SAAL1: variants seen among roughly 807,000 people sequenced by gnomAD.
SAAL1 encodes protein SAAL1.
Under a neutral mutation model 59.8 loss-of-function variants are expected in SAAL1, and 42 were observed. The observed-to-expected ratio is 0.70, with a 90% confidence interval of 0.55 to 0.91. The LOEUF (loss-of-function observed/expected upper bound fraction) is 0.91. Ranked by LOEUF, SAAL1 falls within the 40% of genes least tolerant of loss-of-function variation. The probability of loss-of-function intolerance (pLI) is 0.00; values close to 1 mark genes in which losing one functional copy is unlikely to be tolerated. For synonymous variants in SAAL1, 191 were observed against 194.3 expected, an observed-to-expected ratio of 0.98 and a Z score of 0.14; for missense variants, 542 against 561.1, an observed-to-expected ratio of 0.97 and a Z score of 0.34.
chr11:18,083,884 T>C (rs549431609), intron 9 of SAAL1, among the ~76,000 whole-genome samples, 153 bp from the exon 10 acceptor site: 2 of 152,362 alleles, frequency 1.3e-5, no homozygotes, highest in East Asian at 3.9e-4. Context: ...CTTACATTTT[T>C]ATACTTTCAA....
At chr11:18,081,630 CCCA>C in intron 10 of SAAL1, 127 bp from the exon 11 acceptor site, 1 of 692,640 alleles carries the variant, frequency 1.4e-6, no homozygotes, top group Non-Finnish European at 2.6e-6. Flanking sequence ...CCCACCTGAA[CCCA>C]CCAACATCAA....
intron 3 of SAAL1, among the ~76,000 whole-genome samples, chr11:18,096,478 G>A (rs560791525): frequency 6.6e-6 from 1 of 152,188 alleles, no homozygotes; most frequent in African/African-American, 2.4e-5. Flanking sequence ...AGTTACTTGG[G>A]AGGCTGAGGT....
In SAAL1 at chr11:18,080,371, T is replaced by A; in HGVS notation, c.*28A>T. 1 of 1,371,840 alleles carries A rather than the reference T, an allele frequency of 7.3e-7. No homozygotes were observed. Among genetic ancestry groups the A allele is most frequent in the South Asian group, 1.3e-5 (1 of 78,956 alleles). The allele number at this position is 1,371,840 out of a possible 1,614,324, so 85.0% of individuals were successfully genotyped here. A position where few individuals can be genotyped will look rare whatever the true frequency, so the allele number is the denominator to read the frequency against. On this transcript the variant is annotated 3_prime_UTR_variant, in exon 12 of 12. Coordinates refer to ENST00000524803, the MANE Select transcript of SAAL1 (RefSeq NM_138421.3). ...CAGTGAGAAAAATAAAGTTTATTTC[T>A]TGTACAGAAGTAATTCCAATTCAGG...
Position 18,086,953 on chromosome 11 carries a change from G to C in SAAL1, c.955C>G (p.Gln319Glu). Residue 319 changes from glutamine to glutamate, a missense_variant, in exon 9 of 12, where the codon CAG becomes GAG. Physicochemically the swap from Gln to Glu is conservative, Grantham distance 29. Coordinates refer to ENST00000524803, the MANE Select transcript of SAAL1 (RefSeq NM_138421.3). ...AAAACAGAGGCTAGCACTGTTTTCT[G>C]TTCTTGAAGAATGATGGGTGGATCA... ...SDDPPIILQE[Q>E]KTVLASVFSV... 1 of 1,613,978 alleles carries C rather than the reference G, an allele frequency of 6.2e-7. No individual in the cohort carries two copies. Among genetic ancestry groups the C allele is most frequent in the Non-Finnish European group, 8.5e-7 (1 of 1,179,844 alleles).
At chr11:18,090,393 T>C in intron 5 of SAAL1, 41 bp downstream of exon 5, 7 of 1,587,588 alleles carry the variant, frequency 4.4e-6, no homozygotes, top group Non-Finnish European at 6.0e-6. Flanking sequence ...TTATCTACTC[T>C]TATGAGTAAC....
rs1324126381 is a variant in SAAL1, at chr11:18,083,727, A to T, written c.1047T>A (p.Asp349Glu). ...EQEYLKIEKV[D>E]LPLIDSLIRV... is the part of the protein sequence containing the mutation. ...GAATGAGGCTGTCAATTAGAGGAAG[A>T]TCTACTGTATAAACAAATCAAGAAG... Residue 349 changes from aspartate (D) to glutamate (E), a missense_variant, in exon 10 of 12, where the codon GAT (aspartate) becomes GAA (glutamate). Coordinates refer to ENST00000524803, the MANE Select transcript of SAAL1 (RefSeq NM_138421.3). 1 of 1,601,480 alleles carries T rather than the reference A, an allele frequency of 6.2e-7. No homozygotes were observed. The highest frequency in any genetic ancestry group is 8.5e-7 in the Non-Finnish European group (1 of 1,173,884).
At chr11:18,084,654 G>A (rs1443981470) in intron 9 of SAAL1, among the ~76,000 whole-genome samples, 4 of 152,186 alleles carry the variant, frequency 2.6e-5, no homozygotes, top group African/African-American at 9.7e-5. Flanking sequence ...CCTTCTCAAT[G>A]AGGTAACGTA....
intron 7 of SAAL1, 130 bp from the exon 8 acceptor site, chr11:18,087,355 A>G (rs1246395234): frequency 1.7e-6 from 1 of 592,046 alleles, no homozygotes; most frequent in African/African-American, 1.9e-5. Flanking sequence ...AAACAAGGAA[A>G]GGAACGAAGT....
chr11:18,094,694 A>C (rs528716805), intron 3 of SAAL1, among the ~76,000 whole-genome samples: 32 of 152,322 alleles, frequency 2.1e-4, no homozygotes, highest in Middle Eastern at 3.4e-3. Flanking sequence ...ATGAAAGGTG[A>C]GAGACGAGTG....
chr11:18,092,459 A>G (rs140197900), intron 3 of SAAL1, 135 bp from the exon 4 acceptor site: 9 of 650,204 alleles, frequency 1.4e-5, no homozygotes, highest in Non-Finnish European at 2.5e-5. Context: ...AGAAATACAT[A>G]TACTGCCTGT....
At chr11:18,091,224 T>C (rs1335679351) in intron 4 of SAAL1, among the ~76,000 whole-genome samples, 2 of 149,648 alleles carry the variant, frequency 1.3e-5, no homozygotes, top group African/African-American at 5.0e-5. Context: ...AGCACATGCA[T>C]ATGTTCCAAC....
At position 18,090,434 on chromosome 11, in the gene SAAL1, C is replaced by T; in HGVS notation, c.473G>A (p.Arg158Lys). The T allele has an allele frequency of 1.9e-6, 3 of 1,605,860 alleles. No homozygotes were observed. The highest frequency in any genetic ancestry group is 2.5e-6 in the Non-Finnish European group (3 of 1,178,130). Reference protein sequence around the residue: ...SDPPTLLETSRLLLTCLSQAE... With the variant: ...SDPPTLLETSKLLLTCLSQAE... ...AGAATTCATAAAAGGAAAAGCATAC[C>T]TGCTTGTTTCCAGCAGAGTAGGTGG... Residue 158 changes from arginine (R) to lysine (K), a missense_variant and splice_region_variant, in exon 5 of 12, where the codon AGG becomes AAG. Transcript: ENST00000524803.
At chr11:18,095,314 G>C (rs753715197) in intron 3 of SAAL1, among the ~76,000 whole-genome samples, 4 of 152,022 alleles carry the variant, frequency 2.6e-5, no homozygotes, top group Non-Finnish European at 5.9e-5. Context: ...ATATATTTAA[G>C]ACAGAAAAAC....
At chr11:18,100,516 G>A (rs956971177) in intron 2 of SAAL1, among the ~76,000 whole-genome samples, 2 of 152,196 alleles carry the variant, frequency 1.3e-5, no homozygotes, top group Non-Finnish European at 1.5e-5. Flanking sequence ...GATCACTTGA[G>A]GCCAGGAGTT....
At chr11:18,105,664 C>T (rs1354329434) in intron 1 of SAAL1, among the ~76,000 whole-genome samples, 1 of 152,164 alleles carries the variant, frequency 6.6e-6, no homozygotes, top group Non-Finnish European at 1.5e-5. Context: ...CAAAATAGAA[C>T]GGCAAGTATT....
At chr11:18,081,729 C>T (rs1293361119) in intron 10 of SAAL1, 7 of 480,370 alleles carry the variant, frequency 1.5e-5, no homozygotes, top group Non-Finnish European at 2.6e-5. Context: ...ACACAGACTA[C>T]AAACTTGGAA....
chr11:18,089,491 C>T lies in SAAL1; in HGVS notation c.609G>A (p.Val203=), dbSNP rs143369700. The change falls in exon 7 of 12, where the codon GTG becomes GTA. Residue 203 remains valine (V), a synonymous_variant. Coordinates refer to ENST00000524803, the MANE Select transcript of SAAL1 (RefSeq NM_138421.3). The part of the protein sequence containing the change: ...SSTNVDLLVK[V]GEVVDKLFDL... The stretch of plus-strand genomic sequence containing the variant: ...CAAAGAGCTTGTCCACAACCTCCCC[C>T]ACCTTCACCAGCAAGTCAACTGCAG... 1.2e-6 allele frequency: 2 copies of T among 1,610,900 alleles called. No homozygotes were observed. The highest frequency in any genetic ancestry group is 2.2e-5 in the South Asian group (2 of 90,554).
At chr11:18,091,046 G>A (rs765887487) in intron 4 of SAAL1, 1 of 152,210 alleles carries the variant, frequency 6.6e-6, no homozygotes, top group Non-Finnish European at 1.5e-5. Flanking sequence ...GCACTCCATT[G>A]TGTGAAAATA....
intron 10 of SAAL1, among the ~76,000 whole-genome samples, chr11:18,082,763 C>G (rs558714005): frequency 7.5e-4 from 114 of 152,152 alleles, no homozygotes; most frequent in Middle Eastern, 3.4e-3. Context: ...TCCCAAGTAG[C>G]TAGGATCACA....
Sources: gnomAD v4.1 joint callset for allele counts (sites outside exome capture counted in the v4.1 genomes callset) on GRCh38, gnomAD v4.1.1 for gene constraint, MANE v1.5 for transcripts, NCBI Gene and HGNC (gene_info 2026-07-23, HGNC 2026-07-21) for gene names.